The following KIAA1328 variants were observed in gnomAD, a reference collection of about 807,000 sequenced individuals.
The protein encoded by KIAA1328 is protein hinderin.
A neutral mutation model predicts 68.1 loss-of-function variants in KIAA1328; 52 were observed. The observed-to-expected ratio is 0.76, with a 90% CI of 0.61 to 0.96. KIAA1328 has a LOEUF of 0.96. Among genes scored for constraint, KIAA1328 ranks in the 40% least tolerant of loss-of-function variants. The pLI, the probability that KIAA1328 is intolerant of heterozygous loss-of-function variation, is 0.00. For synonymous variants in KIAA1328, 232 were observed against 239.4 expected (o/e 0.97, Z 0.28); for missense variants, 641 against 677.6 (o/e 0.95, Z 0.60).
chr18:37,179,706 A>G (rs548766405), intron 9 of KIAA1328, among the ~76,000 whole-genome samples: 18 of 152,278 alleles, frequency 1.2e-4, no homozygotes, highest in African/African-American at 4.1e-4. Context: ...TTGTGAATAC[A>G]TTATTTATTT....
chr18:37,099,248 G>T (rs1279177278), intron 7 of KIAA1328, among the ~76,000 whole-genome samples: 1 of 152,174 alleles, frequency 6.6e-6, no homozygotes, highest in Non-Finnish European at 1.5e-5. Context: ...TGCTTTGAAT[G>T]TGTCCCAGAG....
chr18:36,975,216 TC>T (rs2052416082), intron 6 of KIAA1328, among the ~76,000 whole-genome samples: 1 of 141,346 alleles, frequency 7.1e-6, no homozygotes, highest in African/African-American at 2.7e-5. Flanking sequence ...GGAGTCTCGC[TC>T]TGTCGCCCAG....
intron 6 of KIAA1328, among the ~76,000 whole-genome samples, chr18:37,043,516 T>G (rs72890574): frequency 0.13 from 20,303 of 152,228 alleles, 1,742 homozygotes; most frequent in Non-Finnish European, 0.18. Flanking sequence ...TTTTTTCTCT[T>G]AAGCCTAGCT....
intron 4 of KIAA1328, among the ~76,000 whole-genome samples, chr18:36,881,725 A>G (rs1173453641): frequency 6.6e-6 from 1 of 152,212 alleles, no homozygotes; most frequent in Non-Finnish European, 1.5e-5. Context: ...TTTTGAAACC[A>G]GTTTTTAAAA....
rs79365051 is a variant in KIAA1328 at position 37,197,981 on chromosome 18, G to A, written c.1524-24036G>A. Among the ~76,000 whole-genome samples the A allele has an allele frequency of 6.7e-3, 1,016 of 152,304 alleles. 16 individuals are homozygous for A. The highest frequency in any genetic ancestry group is 0.023 in the African/African-American group (942 of 41,562). ...TCATGTGATGAATGGATAATAAAAT[G>A]TGGTGTGTTCATACTGTGGGGTATT... On this transcript the variant is annotated intron_variant, in intron 9 of 9. Coordinates refer to ENST00000280020, the MANE Select transcript of KIAA1328 (RefSeq NM_020776.3).
intron 7 of KIAA1328, among the ~76,000 whole-genome samples, chr18:37,131,610 C>T (rs567233311): frequency 7.2e-5 from 11 of 152,268 alleles, no homozygotes; most frequent in South Asian, 6.2e-4. Flanking sequence ...GCTGCACAGA[C>T]ACAGAAGCCT....
chr18:37,130,077 A>G (rs558050084), intron 7 of KIAA1328, among the ~76,000 whole-genome samples: 44 of 152,306 alleles, frequency 2.9e-4, no homozygotes, highest in African/African-American at 1.0e-3. Flanking sequence ...CATCTTTCCT[A>G]TAAAGAAATG....
intron 7 of KIAA1328, among the ~76,000 whole-genome samples, chr18:37,099,851 A>G (rs1372435935): frequency 2.6e-5 from 4 of 151,686 alleles, no homozygotes; most frequent in African/African-American, 9.7e-5. Context: ...GTCTCTTTTG[A>G]TATTAGTTGG....
intron 6 of KIAA1328, among the ~76,000 whole-genome samples, chr18:37,038,343 A>G (rs529107091): frequency 6.6e-6 from 1 of 152,276 alleles, no homozygotes; most frequent in South Asian, 2.1e-4. Flanking sequence ...ATCTGCCTAA[A>G]TAATTTCTTT....
intron 4 of KIAA1328, among the ~76,000 whole-genome samples, chr18:36,852,173 A>G (rs1007832713): frequency 3.3e-5 from 5 of 152,164 alleles, no homozygotes; most frequent in Non-Finnish European, 7.3e-5. Context: ...TTTAAAATAT[A>G]TTGAGACTTG....
At chr18:37,005,173 A>G (rs538386897) in intron 6 of KIAA1328, among the ~76,000 whole-genome samples, 2 of 151,994 alleles carry the variant, frequency 1.3e-5, no homozygotes, top group Non-Finnish European at 1.5e-5. Flanking sequence ...AAATCTCACA[A>G]ATCACCACTA....
At chr18:37,098,701 T>A (rs1434044710) in intron 7 of KIAA1328, among the ~76,000 whole-genome samples, 1 of 152,164 alleles carries the variant, frequency 6.6e-6, no homozygotes, top group Non-Finnish European at 1.5e-5. Flanking sequence ...ATCCGTCTGG[T>A]CCTGGACTTT....
intron 6 of KIAA1328, among the ~76,000 whole-genome samples, chr18:37,037,092 AT>A (rs1340881415): frequency 1.3e-5 from 2 of 152,022 alleles, no homozygotes; most frequent in Non-Finnish European, 2.9e-5. Context: ...AGTAAATTTT[AT>A]TTATTTTTAC....
intron 7 of KIAA1328, among the ~76,000 whole-genome samples, chr18:37,110,757 T>C (rs1202329758): frequency 6.6e-6 from 1 of 152,196 alleles, no homozygotes; most frequent in African/African-American, 2.4e-5. Flanking sequence ...ATACATTTTG[T>C]TTATAAAGTG....
At chr18:37,169,430 G>A (rs1423896875) in intron 8 of KIAA1328, among the ~76,000 whole-genome samples, 1 of 152,074 alleles carries the variant, frequency 6.6e-6, no homozygotes, top group Non-Finnish European at 1.5e-5. Flanking sequence ...CTCCCAAAGT[G>A]CTGGGATTAC....
intron 7 of KIAA1328, among the ~76,000 whole-genome samples, chr18:37,080,472 C>T (rs2056912183): frequency 6.6e-6 from 1 of 152,012 alleles, no homozygotes; most frequent in African/African-American, 2.4e-5. Context: ...TAACACTGGC[C>T]ACCTTTAGAA....
At chr18:36,900,893 A>G (rs913939502) in intron 5 of KIAA1328, among the ~76,000 whole-genome samples, 2 of 152,018 alleles carry the variant, frequency 1.3e-5, no homozygotes, top group Non-Finnish European at 2.9e-5. Context: ...ATTTTAAAAA[A>G]TCCACACTTT....
intron 4 of KIAA1328, among the ~76,000 whole-genome samples, chr18:36,846,256 C>T (rs2047024006): frequency 6.6e-6 from 1 of 151,622 alleles, no homozygotes; most frequent in African/African-American, 2.4e-5. Flanking sequence ...AATTTTCAAT[C>T]TGGTTTGAAA....
At chr18:36,853,048 G>A (rs2047265657) in intron 4 of KIAA1328, among the ~76,000 whole-genome samples, 1 of 152,034 alleles carries the variant, frequency 6.6e-6, no homozygotes, top group Admixed American at 6.6e-5. Flanking sequence ...GCCTATTGTA[G>A]CATTCTTTGT....
Sources: allele counts gnomAD v4.1 joint callset (sites outside exome capture counted in the v4.1 genomes callset), GRCh38; gene constraint gnomAD v4.1.1; transcripts MANE v1.5; gene names NCBI Gene and HGNC (gene_info 2026-07-23, HGNC 2026-07-21).